The following ATG16L2 variants were observed in gnomAD, a reference collection of about 807,000 sequenced individuals.
ATG16L2 encodes autophagy related 16 like 2.
A neutral mutation model predicts 84.7 loss-of-function variants in ATG16L2; 77 were observed. That is an observed-to-expected ratio of 0.91 (90% CI 0.76 to 1.10). The LOEUF (loss-of-function observed/expected upper bound fraction) is 1.10. ATG16L2 is among the 50% of genes least tolerant of loss of function. The pLI, the probability that ATG16L2 is intolerant of heterozygous loss-of-function variation, is 0.00. For synonymous variants in ATG16L2, 361 were observed against 342.8 expected (o/e 1.05, Z -0.59); for missense variants, 782 against 817.6 (o/e 0.96, Z 0.53).
chr11:72,829,303 C>T lies in ATG16L2; in HGVS notation c.1773C>T (p.Cys591=), dbSNP rs144745719. Residue 591 remains cysteine (C), a splice_region_variant and synonymous_variant, in exon 18 of 18, where the codon TGC becomes TGT. Transcript: ENST00000321297. The part of the protein sequence containing the change: ...KLESRLQGPH[C]AAVNAVAWCY... ...GAAGCCTGCCCCTCCCTTTCCCCAG[C>T]GCTGCCGTCAACGCCGTGGCCTGGT... is the stretch of plus-strand genomic sequence containing the variant. 2.5e-4 allele frequency: 405 copies of T among 1,612,752 alleles called. No homozygotes were observed. Among genetic ancestry groups the T allele is most frequent in the Non-Finnish European group, 3.2e-4 (374 of 1,179,508 alleles).
Position 72,828,899 on chromosome 11 carries a change from G to A in ATG16L2, c.1687G>A (p.Ala563Thr), listed in dbSNP as rs1860519432. The change falls in exon 17 of 18, where the codon GCA becomes ACA. Residue 563 changes from alanine to threonine, a missense_variant. Ala to Thr is a moderately conservative substitution (Grantham distance 58, BLOSUM62 0). Coordinates refer to ENST00000321297, the MANE Select transcript of ATG16L2 (RefSeq NM_033388.2). ...CCACTACAGCCCGGACAGAAGCTAT[G>A]CACTGGCAGGCTCCTGTGATGGGGC... is the stretch of plus-strand genomic sequence containing the variant. Reference protein sequence around the residue: ...KAVFSPDRSYALAGSCDGALY... With the variant: ...KAVFSPDRSYTLAGSCDGALY... 3 of 1,614,172 alleles carry A rather than the reference G, an allele frequency of 1.9e-6. No individual in the cohort carries two copies. Among genetic ancestry groups the A allele is most frequent in the Non-Finnish European group, 2.5e-6 (3 of 1,180,022 alleles).
chr11:72,816,940 C>T, intron 2 of ATG16L2, 113 bp downstream of exon 2: 1 of 753,370 alleles, frequency 1.3e-6, no homozygotes, highest in South Asian at 1.8e-5. Flanking sequence ...TTGGCTGCTG[C>T]CCAGGGGTGG....
intron 1 of ATG16L2, among the ~76,000 whole-genome samples, chr11:72,815,460 A>G (rs1859651147): frequency 1.3e-5 from 2 of 152,122 alleles, no homozygotes; most frequent in South Asian, 4.1e-4. Context: ...GCTCAGACAG[A>G]CAGTGGAACC....
In ATG16L2 at chr11:72,829,309, C is replaced by T. The variant is rs377431219; in HGVS notation, c.1779C>T (p.Ala593=). ...ESRLQGPHCA[A]VNAVAWCYSG... is the part of the protein sequence containing the mutation. The stretch of plus-strand genomic sequence containing the variant: ...TGCCCCTCCCTTTCCCCAGCGCTGC[C>T]GTCAACGCCGTGGCCTGGTGCTACT... Residue 593 remains alanine, a synonymous_variant, in exon 18 of 18, where the codon GCC becomes GCT. Transcript: ENST00000321297. The T allele has an allele frequency of 6.6e-5, 107 of 1,612,982 alleles. No homozygotes were observed. Among genetic ancestry groups the T allele is most frequent in the Non-Finnish European group, 8.1e-5 (95 of 1,179,714 alleles).
intron 3 of ATG16L2, among the ~76,000 whole-genome samples, chr11:72,820,635 C>T (rs552101552): frequency 1.3e-5 from 2 of 152,212 alleles, no homozygotes; most frequent in Non-Finnish European, 2.9e-5. Context: ...ACTCACATAG[C>T]GCGTCATGTC....
At position 72,822,333 on chromosome 11, in the gene ATG16L2, CCGCCCCTGCAGGGAGGAGTCGGGCCT is replaced by C. The variant is rs368822224; in HGVS notation, c.644+43_644+68del. 1 of 1,532,808 alleles carries C rather than the reference CCGCCCCTGCAGGGAGGAGTCGGGCCT, an allele frequency of 6.5e-7. No individual in the cohort carries two copies. Among genetic ancestry groups the C allele is most frequent in the African/African-American group, 1.4e-5 (1 of 72,206 alleles). 95.0% of individuals were successfully genotyped at this position (1,532,808 alleles called of 1,614,324 possible). On this transcript the variant is annotated intron_variant, in intron 5 of 17. Transcript: ENST00000321297. This position sits in a 1 kb window ranked among gnomAD's most constrained non-coding sequence, Gnocchi z 4.2. ...GCCCCGCCCCTCCTGAGGAAAGGCC[CCGCCCCTGCAGGGAGGAGTCGGGCCT>C]CGCCGGTGTCTGGAAGGGAGGGGGG...
intron 9 of ATG16L2, 136 bp downstream of exon 9, chr11:72,824,978 T>A: frequency 1.5e-6 from 1 of 686,886 alleles, no homozygotes; most frequent in Non-Finnish European, 2.4e-6. Context: ...GGAGGCTGCC[T>A]CCCACAGCCT....
downstream of ATG16L2, among the ~76,000 whole-genome samples, chr11:72,831,456 G>A (rs1860604283): frequency 6.6e-6 from 1 of 152,226 alleles, no homozygotes; most frequent in Non-Finnish European, 1.5e-5. Context: ...AGTGAGCTGA[G>A]AATGCGCCAT....
At chr11:72,830,055 C>T (rs917529266), downstream of ATG16L2, among the ~76,000 whole-genome samples, 1 of 152,132 alleles carries the variant, frequency 6.6e-6, no homozygotes, top group African/African-American at 2.4e-5. Context: ...AGACTGGGTC[C>T]GCGTTCTTCC....
At chr11:72,830,946 G>A (rs1469035745), downstream of ATG16L2, among the ~76,000 whole-genome samples, 1 of 152,190 alleles carries the variant, frequency 6.6e-6, no homozygotes, top group Non-Finnish European at 1.5e-5. Flanking sequence ...TTGCTATCAT[G>A]AGTGCATCTC....
Position 72,825,302 on chromosome 11 carries a change from G to C in ATG16L2, c.997G>C (p.Asp333His). Reference sequence around the variant, plus strand: ...GCACCAACCTCCCCTTTCCCCACAGGATGCCCACCTCTCTGAGGTCAATGC... The same window carrying C: ...GCACCAACCTCCCCTTTCCCCACAGCATGCCCACCTCTCTGAGGTCAATGC... Reference protein sequence around the residue: ...RLPTRAQDVLDAHLSEVNAVR... With the variant: ...RLPTRAQDVLHAHLSEVNAVR... Residue 333 changes from aspartate to histidine, a missense_variant and splice_region_variant, in exon 10 of 18, where the codon GAT becomes CAT. Transcript: ENST00000321297. 6.2e-7 allele frequency: 1 copy of C among 1,613,040 alleles called. No individual in the cohort carries two copies. The highest frequency in any genetic ancestry group is 1.3e-5 in the African/African-American group (1 of 75,016).
chr11:72,836,230 C>G (rs1375148980), intron 5 of ATG16L2, among the ~76,000 whole-genome samples: 1 of 152,190 alleles, frequency 6.6e-6, no homozygotes, highest in Non-Finnish European at 1.5e-5. Flanking sequence ...GGGGACTCAG[C>G]CTTTGACTAA....
At chr11:72,818,075 AG>A in intron 3 of ATG16L2, 1 of 559,290 alleles carries the variant, frequency 1.8e-6, no homozygotes. Context: ...GGAGGGAGTT[AG>A]GTGTGCAAGG....
chr11:72,827,099 G>C, intron 13 of ATG16L2, 89 bp from the exon 14 acceptor site: 1 of 1,085,098 alleles, frequency 9.2e-7, no homozygotes, highest in Non-Finnish European at 1.4e-6. Context: ...AGGACACTGG[G>C]TTCTGGGCCT....
At chr11:72,826,339 A>C (rs1415424431) in intron 11 of ATG16L2, 96 bp downstream of exon 11, 1 of 1,446,884 alleles carries the variant, frequency 6.9e-7, no homozygotes, top group African/African-American at 1.4e-5. Flanking sequence ...CAACATGGAT[A>C]CCCTAGAACC....
At chr11:72,823,747 G>T (rs1591306105) in intron 7 of ATG16L2, 1 of 504,030 alleles carries the variant, frequency 2.0e-6, no homozygotes, top group Non-Finnish European at 3.9e-6. Context: ...GGAACCTTCA[G>T]CGTCTCTCCT....
Position 72,826,245 on chromosome 11 carries a change from T to C in ATG16L2, c.1173+2T>C, listed in dbSNP as rs1257952812. The stretch of plus-strand genomic sequence containing the variant: ...ACCAGTGTGGACTTTGACCCCTCGG[T>C]GAGGAACTCTGCCCCAGTGGCATGG... On this transcript the variant is annotated splice_donor_variant, in intron 11 of 17. Transcript: ENST00000321297. LOFTEE classifies it high-confidence loss of function. 19 of 1,613,412 alleles carry C rather than the reference T, an allele frequency of 1.2e-5. No individual in the cohort carries two copies. The highest frequency in any genetic ancestry group is 1.6e-5 in the Non-Finnish European group (19 of 1,179,750).
At chr11:72,825,702 G>A (rs1860307458) in intron 10 of ATG16L2, among the ~76,000 whole-genome samples, 1 of 152,124 alleles carries the variant, frequency 6.6e-6, no homozygotes, top group South Asian at 2.1e-4. Context: ...ACAGGGACAG[G>A]CCCTTGAAGA....
chr11:72,814,843 C>T (rs1302466091), intron 1 of ATG16L2, among the ~76,000 whole-genome samples: 1 of 152,200 alleles, frequency 6.6e-6, no homozygotes, highest in East Asian at 1.9e-4. Flanking sequence ...AGTGCGTCCT[C>T]GGGTGTTGGT....
Sources: gnomAD v4.1 joint callset for allele counts (sites outside exome capture counted in the v4.1 genomes callset) on GRCh38, gnomAD v4.1.1 for gene constraint, Gnocchi (gnomAD v3.1) non-coding constraint, MANE v1.5 for transcripts, NCBI Gene and HGNC (gene_info 2026-07-23, HGNC 2026-07-21) for gene names.